The following FKTN variants were observed in gnomAD, a reference collection of about 807,000 sequenced individuals.
FKTN encodes the protein fukutin, also known as ribitol-5-phosphate transferase FKTN.
In FKTN, 47 loss-of-function variants were observed where a neutral mutation model predicts 58.6. That is an observed-to-expected ratio of 0.80 (90% CI 0.63 to 1.02). The LOEUF is 1.02. Among genes scored for constraint, FKTN ranks in the 50% least tolerant of loss-of-function variants. The pLI is 0.00. For synonymous variants in FKTN, 178 were observed against 191.9 expected (o/e 0.93, Z 0.60); for missense variants, 516 against 537.3 (o/e 0.96, Z 0.39).
At chr9:105,630,203 A>C (rs1833241142) in intron 10 of FKTN, among the ~76,000 whole-genome samples, 1 of 151,786 alleles carries the variant, frequency 6.6e-6, no homozygotes, top group South Asian at 2.1e-4. Flanking sequence ...AGTATAATTA[A>C]AAAAAAGAAA....
intron 1 of FKTN, among the ~76,000 whole-genome samples, chr9:105,569,025 A>C (rs1015998646): frequency 5.3e-5 from 8 of 152,208 alleles, no homozygotes; most frequent in African/African-American, 1.7e-4. Context: ...CATTCTCAGC[A>C]AACTATCTCA....
intron 3 of FKTN, among the ~76,000 whole-genome samples, chr9:105,579,406 C>T (rs1237795562): frequency 6.6e-6 from 1 of 151,826 alleles, no homozygotes; most frequent in East Asian, 1.9e-4. Context: ...TTTATTTCTG[C>T]CTTCATTTCG....
intron 3 of FKTN, among the ~76,000 whole-genome samples, chr9:105,590,766 T>C (rs1844724478): frequency 6.6e-6 from 1 of 152,186 alleles, no homozygotes; most frequent in African/African-American, 2.4e-5. Context: ...TGTTCTTTCA[T>C]TGCTGTAAAG....
intron 10 of FKTN, among the ~76,000 whole-genome samples, chr9:105,620,472 A>G (rs1588227465): frequency 3.9e-5 from 6 of 152,178 alleles, no homozygotes; most frequent in Admixed American, 2.0e-4. Context: ...GTCAGGCACT[A>G]TTCTGAACGT....
chr9:105,560,476 T>C (rs1838083841), intron 1 of FKTN, among the ~76,000 whole-genome samples: 1 of 152,214 alleles, frequency 6.6e-6, no homozygotes, highest in South Asian at 2.1e-4. Context: ...CTGTTTCTCC[T>C]AGGATAAAAT....
At chr9:105,577,145 T>G (rs1479150880) in intron 3 of FKTN, among the ~76,000 whole-genome samples, 2 of 149,136 alleles carry the variant, frequency 1.3e-5, no homozygotes, top group African/African-American at 5.1e-5. Context: ...GGTAGTTTCT[T>G]TTGCTGTGCA....
At chr9:105,563,220 G>A (rs536347191) in intron 1 of FKTN, among the ~76,000 whole-genome samples, 79 of 152,330 alleles carry the variant, frequency 5.2e-4, no homozygotes, top group Non-Finnish European at 6.3e-4. Context: ...AGCTCCCAGC[G>A]TGAGCGACGC....
Position 105,639,678 on chromosome 9 carries a change from T to A in FKTN, c.*4414T>A. Reference sequence around the variant, plus strand: ...TTGTATCAAGTCATTAATACAATTATACATTAATTATATTACATTAATACA... The same window carrying A: ...TTGTATCAAGTCATTAATACAATTAAACATTAATTATATTACATTAATACA... On this transcript the variant is annotated 3_prime_UTR_variant, in exon 11 of 11. Coordinates refer to ENST00000357998, the MANE Select transcript of FKTN (RefSeq NM_001079802.2). 2 of 917,302 alleles carry A rather than the reference T, an allele frequency of 2.2e-6. No individual in the cohort carries two copies. Among genetic ancestry groups the A allele is most frequent in the Non-Finnish European group, 2.6e-6 (2 of 767,116 alleles). The allele number at this position is 917,302 out of a possible 1,614,324, so 56.8% of individuals were successfully genotyped here. A position where few individuals can be genotyped will look rare whatever the true frequency, so the allele number is the denominator to read the frequency against.
At chr9:105,601,112 T>C in intron 4 of FKTN, 33 bp from the exon 5 acceptor site, 1 of 1,244,752 alleles carries the variant, frequency 8.0e-7, no homozygotes, top group East Asian at 2.3e-5. Context: ...GTTGGCTTAC[T>C]GGAATTACGA....
Position 105,636,954 on chromosome 9 carries a change from T to C in FKTN, c.*1690T>C. On this transcript the variant is annotated 3_prime_UTR_variant, in exon 11 of 11. Coordinates refer to ENST00000357998, the MANE Select transcript of FKTN (RefSeq NM_001079802.2). ...CAATGCAGAATTATTGGGTCTTTCA[T>C]AAATAACATGAGTGGTTTCTGGAGA... is the stretch of plus-strand genomic sequence containing the variant. The C allele has an allele frequency of 9.6e-7, 1 of 1,036,308 alleles. No homozygotes were observed. The highest frequency in any genetic ancestry group is 3.2e-5 in the South Asian group (1 of 31,176). The allele number at this position is 1,036,308 out of a possible 1,614,324, so 64.2% of individuals were successfully genotyped here.
chr9:105,624,485 C>T (rs1832497307), intron 10 of FKTN: 1 of 151,744 alleles, frequency 6.6e-6, no homozygotes, highest in African/African-American at 2.4e-5. Flanking sequence ...TTAAAAATTA[C>T]CCAGGCATGG....
At chr9:105,603,349 A>G (rs1253366264) in intron 5 of FKTN, among the ~76,000 whole-genome samples, 3 of 152,202 alleles carry the variant, frequency 2.0e-5, no homozygotes, top group African/African-American at 7.2e-5. Flanking sequence ...GAAGAAGGGA[A>G]TGTTACAGTT....
At chr9:105,585,469 T>C (rs1297119643) in intron 3 of FKTN, among the ~76,000 whole-genome samples, 3 of 152,204 alleles carry the variant, frequency 2.0e-5, no homozygotes, top group Non-Finnish European at 4.4e-5. Flanking sequence ...ATAGTAAGGA[T>C]AGTTAGACTA....
chr9:105,602,016 A>G, intron 5 of FKTN, among the ~76,000 whole-genome samples: 1 of 152,236 alleles, frequency 6.6e-6, no homozygotes, highest in East Asian at 1.9e-4. Context: ...AGATGCTTGT[A>G]TTTAGAAGTA....
intron 6 of FKTN, among the ~76,000 whole-genome samples, chr9:105,607,345 C>T (rs1264961796): frequency 6.6e-6 from 1 of 151,952 alleles, no homozygotes; most frequent in Non-Finnish European, 1.5e-5. Flanking sequence ...AAAATTATGT[C>T]ACAAAATTTT....
intron 7 of FKTN, among the ~76,000 whole-genome samples, chr9:105,610,594 G>A (rs573724012): frequency 2.6e-5 from 4 of 151,896 alleles, no homozygotes; most frequent in African/African-American, 7.3e-5. Context: ...ATCCTCTGCT[G>A]GGCTGCACAC....
At chr9:105,630,548 A>T (rs146147357) in intron 10 of FKTN, among the ~76,000 whole-genome samples, 190 of 152,272 alleles carry the variant, frequency 1.2e-3, no homozygotes, top group African/African-American at 4.3e-3. Context: ...ATTTCAGGCA[A>T]TAGAAAAAGA....
At chr9:105,560,646 T>C (rs1350171340) in intron 1 of FKTN, among the ~76,000 whole-genome samples, 1 of 152,232 alleles carries the variant, frequency 6.6e-6, no homozygotes, top group African/African-American at 2.4e-5. Context: ...CATATGTACA[T>C]ACATTCACAA....
At chr9:105,609,976 A>G (rs1028765021) in intron 7 of FKTN, among the ~76,000 whole-genome samples, 2 of 152,298 alleles carry the variant, frequency 1.3e-5, no homozygotes, top group Middle Eastern at 3.4e-3. Context: ...GTTCATATCA[A>G]TATAAATAAA....
Sources: gnomAD v4.1 joint callset for allele counts (sites outside exome capture counted in the v4.1 genomes callset) on GRCh38, gnomAD v4.1.1 for gene constraint, MANE v1.5 for transcripts, NCBI Gene and HGNC (gene_info 2026-07-23, HGNC 2026-07-21) for gene names.